Variants in INKA2 observed in about 807,000 individuals in gnomAD.
The protein encoded by INKA2 is inka box actin regulator 2.
A neutral mutation model predicts 9.8 loss-of-function variants in INKA2; 3 were observed. The observed-to-expected ratio is 0.31, with a 90% CI of 0.14 to 0.79. INKA2 has a LOEUF of 0.79. Ranked by LOEUF, INKA2 falls within the 30% of genes least tolerant of loss-of-function variation. INKA2 has a pLI of 0.62. For synonymous variants in INKA2, 147 were observed against 143.3 expected (o/e 1.03, Z -0.18); for missense variants, 392 against 384.4 (o/e 1.02, Z -0.17).
At chr1:111,730,018 GGGAT>G in intron 1 of INKA2, among the ~76,000 whole-genome samples, 1 of 152,368 alleles carries the variant, frequency 6.6e-6, no homozygotes, top group East Asian at 1.9e-4. Flanking sequence ...TGACAGCCCT[GGGAT>G]TTGCCAGAGT....
intron 1 of INKA2, chr1:111,747,789 G>A (rs532135661): frequency 6.6e-6 from 1 of 152,304 alleles, no homozygotes; most frequent in South Asian, 2.1e-4. Context: ...GACATCCTGG[G>A]TGAGGCATTA....
intron 1 of INKA2, chr1:111,745,293 A>ATATATATATATATATTTTTT (rs1358304932): frequency 6.1e-5 from 3 of 49,266 alleles, no homozygotes; most frequent in Non-Finnish European, 1.1e-4. Context: ...ATATATATAT[A>ATATATATATATATATTTTTT]TTTTTTTTTT....
chr1:111,724,733 T>G lies in INKA2; in HGVS notation c.*2235A>C, dbSNP rs1259635428. 1.3e-5 allele frequency: 2 copies of G among 152,270 alleles called. No homozygotes were observed. Among genetic ancestry groups the G allele is most frequent in the Non-Finnish European group, 2.9e-5 (2 of 68,050 alleles). 9.4% of individuals were successfully genotyped at this position (152,270 alleles called of 1,614,324 possible). On this transcript the variant is annotated 3_prime_UTR_variant, in exon 2 of 2. Transcript: ENST00000357260. ...ACACAAAGGATTTGCAGTGGCTGGC[T>G]CCACCAGAGTGGGCTTGCTCAGTTG...
chr1:111,753,641 A>G (rs1216192477), intron 1 of INKA2: 1 of 152,186 alleles, frequency 6.6e-6, no homozygotes, highest in Non-Finnish European at 1.5e-5. Flanking sequence ...TGTGAGTTCT[A>G]CAGAACCGCT....
At chr1:111,735,777 C>G (rs1662996194) in intron 1 of INKA2, among the ~76,000 whole-genome samples, 1 of 152,178 alleles carries the variant, frequency 6.6e-6, no homozygotes, top group South Asian at 2.1e-4. Flanking sequence ...GACCCTGGTC[C>G]TTACCCATTT....
At chr1:111,741,733 T>C (rs780392813), upstream of INKA2, among the ~76,000 whole-genome samples, 1 of 152,232 alleles carries the variant, frequency 6.6e-6, no homozygotes, top group Non-Finnish European at 1.5e-5. Flanking sequence ...TGTTTTGTTT[T>C]TGTTTTTTGA....
intron 1 of INKA2, among the ~76,000 whole-genome samples, chr1:111,730,455 C>T (rs1422669629): frequency 6.6e-6 from 1 of 152,210 alleles, no homozygotes; most frequent in Non-Finnish European, 1.5e-5. Context: ...TCCTAGACAG[C>T]TTCCGAACCG....
At chr1:111,754,737 G>A (rs1663488256) in intron 1 of INKA2, 1 of 152,174 alleles carries the variant, frequency 6.6e-6, no homozygotes, top group South Asian at 2.1e-4. Flanking sequence ...TTTGTTATAG[G>A]AGCTCAATCA....
chr1:111,730,191 T>C (rs1177487075), intron 1 of INKA2, among the ~76,000 whole-genome samples: 1 of 152,160 alleles, frequency 6.6e-6, no homozygotes, highest in Non-Finnish European at 1.5e-5. Context: ...TGCTAAGACC[T>C]GGAGCAGAGT....
At position 111,727,111 on chromosome 1, in the gene INKA2, G is replaced by T. The variant is rs746329340; in HGVS notation, c.751C>A (p.Arg251=). The T allele has an allele frequency of 6.2e-7, 1 of 1,614,210 alleles. No homozygotes were observed. The highest frequency in any genetic ancestry group is 1.1e-5 in the South Asian group (1 of 91,086). ...RTGRSQKVKK[R]SLSKGSGHFP... is the part of the protein sequence containing the mutation. ...TGTCCAGAGCCCTTGGAAAGGCTCC[G>T]CTTCTTGACCTTCTGTGAGCGGCCG... The change falls in exon 2 of 2, where the codon CGG becomes AGG. Residue 251 remains arginine (R), a synonymous_variant. Transcript: ENST00000357260.
At chr1:111,753,091 C>T (rs1663445083) in intron 1 of INKA2, 2 of 152,236 alleles carry the variant, frequency 1.3e-5, no homozygotes, top group Admixed American at 1.3e-4. Context: ...CTAAGTGTCA[C>T]TCTCACCTTT....
intron 1 of INKA2, among the ~76,000 whole-genome samples, chr1:111,748,753 T>C (rs974821747): frequency 5.9e-5 from 9 of 152,206 alleles, no homozygotes; most frequent in Non-Finnish European, 1.2e-4. Flanking sequence ...TGGGAGAGGT[T>C]TGATTTAATC....
rs147968487 is a variant in INKA2, at chr1:111,727,309, C to A, written c.553G>T (p.Gly185Trp). 2.8e-5 allele frequency: 45 copies of A among 1,614,086 alleles called. 1 individual carries two copies. In the Middle Eastern group the frequency reaches 4.9e-4, roughly 18 times the overall value. ...TCTCCTTTGGGTTCACGTGCCCCCC[C>A]AGTCTCACCCTTCTCCCCACCCTTC... ...LEKGGEKGET[G>W]GAREPKGEKG... Residue 185 changes from glycine to tryptophan, a missense_variant, in exon 2 of 2, where the codon GGG becomes TGG. Physicochemically the swap from Gly to Trp is radical, Grantham distance 184. Transcript: ENST00000357260.
At position 111,724,600 on chromosome 1, in the gene INKA2, C is replaced by CACA. The variant is rs1182904543; in HGVS notation, c.*2367_*2368insTGT. 6.8e-6 allele frequency: 1 copy of CACA among 147,940 alleles called. No individual in the cohort carries two copies. The highest frequency in any genetic ancestry group is 2.6e-5 in the African/African-American group (1 of 39,134). 9.2% of individuals were successfully genotyped at this position (147,940 alleles called of 1,614,324 possible). ...ACACACACACACACACACACACACA[C>CACA]CACCACTACCACCACCACCACCACC... is the stretch of plus-strand genomic sequence containing the variant. On this transcript the variant is annotated 3_prime_UTR_variant, in exon 2 of 2. Coordinates refer to ENST00000357260, the MANE Select transcript of INKA2 (RefSeq NM_019099.5).
At position 111,724,914 on chromosome 1, in the gene INKA2, C is replaced by A. The variant is rs184034837; in HGVS notation, c.*2054G>T. 2 of 152,178 alleles carry A rather than the reference C, an allele frequency of 1.3e-5. No homozygotes were observed. The highest frequency in any genetic ancestry group is 4.8e-5 in the African/African-American group (2 of 41,426). The allele number at this position is 152,178 out of a possible 1,614,324, so 9.4% of individuals were successfully genotyped here. ...AACCTCCATAGATGTGTCTGGAGAA[C>A]AATGCCTTCTAGGGTCCTTCTAAGT... is the stretch of plus-strand genomic sequence containing the variant. On this transcript the variant is annotated 3_prime_UTR_variant, in exon 2 of 2. Coordinates refer to ENST00000357260, the MANE Select transcript of INKA2 (RefSeq NM_019099.5).
chr1:111,735,451 AC>A (rs941569972), intron 1 of INKA2, among the ~76,000 whole-genome samples: 6 of 151,990 alleles, frequency 3.9e-5, no homozygotes, highest in African/African-American at 1.5e-4. Flanking sequence ...GTATTTTAAA[AC>A]CCCCATTTTA....
rs751864980 is a variant in INKA2 at position 111,739,366 on chromosome 1, G to T, written c.-124C>A. The T allele has an allele frequency of 1.3e-6, 2 of 1,531,808 alleles. No individual in the cohort carries two copies. Among genetic ancestry groups the T allele is most frequent in the Non-Finnish European group, 1.8e-6 (2 of 1,139,058 alleles). The allele number at this position is 1,531,808 out of a possible 1,614,324, so 94.9% of individuals were successfully genotyped here. A position where few individuals can be genotyped will look rare whatever the true frequency, so the allele number is the denominator to read the frequency against. On this transcript the variant is annotated 5_prime_UTR_variant, in exon 1 of 2. Coordinates refer to ENST00000357260, the MANE Select transcript of INKA2 (RefSeq NM_019099.5). The stretch of plus-strand genomic sequence containing the variant: ...CGTAGCGCTCGCAGCGCGGAGCTGA[G>T]CCTGCGCTCCGAGCCCGGGACTCAG...
intron 1 of INKA2, among the ~76,000 whole-genome samples, chr1:111,753,536 A>G (rs1663453825): frequency 2.0e-5 from 3 of 152,260 alleles, no homozygotes; most frequent in African/African-American, 7.2e-5. Context: ...CAACAAATGC[A>G]GTAACAGAAT....
At chr1:111,736,914 G>T (rs1184518960) in intron 1 of INKA2, among the ~76,000 whole-genome samples, 1 of 152,206 alleles carries the variant, frequency 6.6e-6, no homozygotes, top group African/African-American at 2.4e-5. Context: ...CTACTGTTGG[G>T]GATACTAAGG....
Sources: gnomAD v4.1 joint callset for allele counts (sites outside exome capture counted in the v4.1 genomes callset) on GRCh38, gnomAD v4.1.1 for gene constraint, MANE v1.5 for transcripts, NCBI Gene and HGNC (gene_info 2026-07-23, HGNC 2026-07-21) for gene names.